Variants in PRKCB observed in about 807,000 individuals in gnomAD.
PRKCB encodes the protein protein kinase C beta type.
Under a neutral mutation model 81.5 loss-of-function variants are expected in PRKCB, and 13 were observed. The ratio of observed to expected loss-of-function variants is 0.16; its 90% confidence interval spans 0.10 to 0.25. PRKCB has a LOEUF of 0.25. PRKCB is among the 10% of genes least tolerant of loss of function. The probability of loss-of-function intolerance (pLI) is 1.00; values close to 1 mark genes in which losing one functional copy is unlikely to be tolerated. For synonymous variants in PRKCB, 335 were observed against 321.4 expected, an observed-to-expected ratio of 1.04 and a Z score of -0.45; for missense variants, 509 against 875.7, an observed-to-expected ratio of 0.58 and a Z score of 5.29.
At chr16:23,922,266 C>A (rs1401987770) in intron 2 of PRKCB, among the ~76,000 whole-genome samples, 1 of 152,076 alleles carries the variant, frequency 6.6e-6, no homozygotes, top group Non-Finnish European at 1.5e-5. Context: ...TGGCAGGAAC[C>A]CATGTTGAAT....
Position 24,035,438 on chromosome 16 carries a change from C to T in PRKCB, c.420C>T (p.His140=). 1 of 1,614,034 alleles carries T rather than the reference C, an allele frequency of 6.2e-7. No individual in the cohort carries two copies. The highest frequency in any genetic ancestry group is 8.5e-7 in the Non-Finnish European group (1 of 1,179,958). ...MKCDTCMMNV[H]KRCVMNVPSL... ...TCACAGCCTGCATGATGAATGTGCA[C>T]AAGCGCTGCGTGATGAATGTTCCCA... Residue 140 remains histidine (H), a synonymous_variant, in exon 5 of 17, where the codon CAC becomes CAT. Transcript: ENST00000643927.
chr16:23,990,485 T>A (rs1305920622), intron 3 of PRKCB, among the ~76,000 whole-genome samples: 1 of 151,536 alleles, frequency 6.6e-6, no homozygotes, highest in East Asian at 1.9e-4. Flanking sequence ...AGAAGCTTTT[T>A]TTTTTTTTTT....
chr16:24,181,179 C>A (rs1176388658), intron 13 of PRKCB, among the ~76,000 whole-genome samples: 1 of 152,202 alleles, frequency 6.6e-6, no homozygotes, highest in Non-Finnish European at 1.5e-5. Context: ...AACCATCCAA[C>A]ACACATCAGT....
At chr16:23,983,113 TAA>T (rs150759074) in intron 2 of PRKCB, among the ~76,000 whole-genome samples, 489 of 139,778 alleles carry the variant, frequency 3.5e-3, no homozygotes, top group African/African-American at 0.012. Context: ...TGCCTCTTCT[TAA>T]AAAAAAAAAA....
intron 4 of PRKCB, 69 bp from the exon 5 acceptor site, chr16:24,035,350 G>A: frequency 6.4e-7 from 1 of 1,565,484 alleles, no homozygotes; most frequent in Non-Finnish European, 8.7e-7. Flanking sequence ...GCGGTCTTGG[G>A]TGGGGCAGAT....
intron 5 of PRKCB, among the ~76,000 whole-genome samples, chr16:24,041,693 GAA>G (rs1384848386): frequency 6.6e-6 from 1 of 151,972 alleles, no homozygotes; most frequent in East Asian, 1.9e-4. Flanking sequence ...CACATCAAAA[GAA>G]AAAGAGTACC....
rs1421024337 is a variant in PRKCB, at chr16:23,984,763, AGTTT to A, written c.206-3739_206-3736del. Among the ~76,000 whole-genome samples, 4 of 152,318 alleles carry A rather than the reference AGTTT, an allele frequency of 2.6e-5. No homozygotes were observed. In the East Asian group the frequency reaches 7.7e-4, roughly 29 times the overall value. Reference sequence around the variant, plus strand: ...TTCCAAGGAAAATATAAATTCCAAAAGTTTGTTTGAGTAGAGGTGAAAAACTTTC... The same window carrying A: ...TTCCAAGGAAAATATAAATTCCAAAAGTTTGAGTAGAGGTGAAAAACTTTC... On this transcript the variant is annotated intron_variant, in intron 2 of 16. Transcript: ENST00000643927.
chr16:23,951,085 G>A (rs550464632), intron 2 of PRKCB, among the ~76,000 whole-genome samples: 2 of 152,158 alleles, frequency 1.3e-5, no homozygotes, highest in African/African-American at 4.8e-5. Context: ...TCAGATATGC[G>A]GCATTACTTT....
intron 2 of PRKCB, among the ~76,000 whole-genome samples, chr16:23,880,076 T>C (rs1237407917): frequency 1.3e-5 from 2 of 152,206 alleles, no homozygotes; most frequent in Non-Finnish European, 2.9e-5. Flanking sequence ...ATATTATTTG[T>C]CCTTAGACTC....
At chr16:23,934,752 C>G (rs1373795303) in intron 2 of PRKCB, among the ~76,000 whole-genome samples, 1 of 151,968 alleles carries the variant, frequency 6.6e-6, no homozygotes, top group African/African-American at 2.4e-5. Flanking sequence ...GGAATTTGCG[C>G]ACATGGAGAG....
At chr16:24,055,670 A>G (rs907143086) in intron 5 of PRKCB, among the ~76,000 whole-genome samples, 3 of 152,244 alleles carry the variant, frequency 2.0e-5, no homozygotes, top group Non-Finnish European at 4.4e-5. Flanking sequence ...GGGGAAAGAA[A>G]AGTGAACCAA....
chr16:24,000,485 T>C (rs532312092), intron 3 of PRKCB, among the ~76,000 whole-genome samples: 1 of 152,248 alleles, frequency 6.6e-6, no homozygotes, highest in African/African-American at 2.4e-5. Flanking sequence ...AACTTGGGCA[T>C]GTCGTTCGAC....
chr16:24,104,294 GT>G (rs1966548798), intron 7 of PRKCB, among the ~76,000 whole-genome samples: 1 of 152,130 alleles, frequency 6.6e-6, no homozygotes, highest in African/African-American at 2.4e-5. Context: ...TTGACATGAA[GT>G]TATCTTTGTT....
intron 5 of PRKCB, among the ~76,000 whole-genome samples, chr16:24,076,023 T>C (rs1327646779): frequency 6.6e-6 from 1 of 152,228 alleles, no homozygotes; most frequent in Non-Finnish European, 1.5e-5. Flanking sequence ...ACATGTGCCA[T>C]GTTGGTGTGC....
intron 12 of PRKCB, among the ~76,000 whole-genome samples, chr16:24,178,403 C>T (rs561974246): frequency 6.8e-4 from 103 of 152,282 alleles, no homozygotes; most frequent in Non-Finnish European, 1.2e-3. Context: ...ACAGAGGTGC[C>T]CTCCAGCCTC....
chr16:23,942,654 G>A (rs1463550857), intron 2 of PRKCB, among the ~76,000 whole-genome samples: 1 of 152,136 alleles, frequency 6.6e-6, no homozygotes, highest in East Asian at 1.9e-4. Context: ...TTTCTCCTAG[G>A]GTCTTGTAGC....
At chr16:24,118,601 C>A (rs1966762383) in intron 8 of PRKCB, among the ~76,000 whole-genome samples, 1 of 152,194 alleles carries the variant, frequency 6.6e-6, no homozygotes, top group Non-Finnish European at 1.5e-5. Context: ...CAGAGTCTGG[C>A]TGCCAGGGCT....
rs553167323 is a variant in PRKCB, at chr16:24,092,657, G to C, written c.530-134G>C. The C allele has an allele frequency of 4.9e-6, 4 of 812,984 alleles. No individual in the cohort carries two copies. The African/African-American group carries it at 5.2e-5, about 11-fold the overall frequency. The allele number at this position is 812,984 out of a possible 1,614,324, so 50.4% of individuals were successfully genotyped here. A position where few individuals can be genotyped will look rare whatever the true frequency, so the allele number is the denominator to read the frequency against. ...CATTTTGTGCACTGCTTCAGCTATG[G>C]ATGTTAATAAAATTAAATTTCTCAC... On this transcript the variant is annotated intron_variant, in intron 5 of 16. Coordinates refer to ENST00000643927, the MANE Select transcript of PRKCB (RefSeq NM_002738.7).
At chr16:23,937,943 T>C (rs1181366470) in intron 2 of PRKCB, among the ~76,000 whole-genome samples, 3 of 152,168 alleles carry the variant, frequency 2.0e-5, no homozygotes, top group Non-Finnish European at 4.4e-5. Flanking sequence ...CCGAAGGAAC[T>C]AGGGTGTGAG....
Sources: allele counts gnomAD v4.1 joint callset (sites outside exome capture counted in the v4.1 genomes callset), GRCh38; gene constraint gnomAD v4.1.1; transcripts MANE v1.5; gene names NCBI Gene and HGNC (gene_info 2026-07-23, HGNC 2026-07-21).